The following FHOD3 variants were observed in gnomAD, a reference collection of about 807,000 sequenced individuals.
FHOD3 encodes the protein formin homology 2 domain containing 3.
In FHOD3, 90 loss-of-function variants were observed where a neutral mutation model predicts 173.0. The ratio of observed to expected loss-of-function variants is 0.52; its 90% CI spans 0.44 to 0.62. FHOD3 has a LOEUF of 0.62. Ranked by LOEUF, FHOD3 falls within the 20% of genes least tolerant of loss-of-function variation. The probability of loss-of-function intolerance (pLI) is 0.00; values close to 1 mark genes in which losing one functional copy is unlikely to be tolerated. For missense variants in FHOD3, 1,945 were observed against 2,034.7 expected (o/e 0.96, Z 0.85); for synonymous variants, 828 against 823.0 (o/e 1.01, Z -0.10).
At chr18:36,620,901 AT>A (rs201902412) in intron 9 of FHOD3, among the ~76,000 whole-genome samples, 48 of 151,334 alleles carry the variant, frequency 3.2e-4, no homozygotes, top group Admixed American at 5.3e-4. Context: ...AGCAGAACCA[AT>A]TTTTTTTTTC....
At chr18:36,488,528 A>T (rs540106515) in intron 3 of FHOD3, among the ~76,000 whole-genome samples, 1 of 152,300 alleles carries the variant, frequency 6.6e-6, no homozygotes, top group East Asian at 1.9e-4. Context: ...AGTGCCCAGG[A>T]AAGGACTGGA....
chr18:36,690,389 G>A (rs1223015211), intron 16 of FHOD3, among the ~76,000 whole-genome samples: 4 of 152,132 alleles, frequency 2.6e-5, no homozygotes, highest in Non-Finnish European at 4.4e-5. Context: ...AGGCTCTGTC[G>A]GTCTGTGGAT....
intron 3 of FHOD3, among the ~76,000 whole-genome samples, chr18:36,479,682 CTT>C (rs972035186): frequency 3.3e-5 from 5 of 152,070 alleles, no homozygotes; most frequent in South Asian, 2.1e-4. Context: ...ATTAAGAACT[CTT>C]TGACTATATA....
At chr18:36,299,439 T>A (rs2091898785) in intron 1 of FHOD3, among the ~76,000 whole-genome samples, 1 of 152,218 alleles carries the variant, frequency 6.6e-6, no homozygotes, top group Non-Finnish European at 1.5e-5. Flanking sequence ...TTCTTCTACA[T>A]CATGATTATT....
chr18:36,335,374 A>G (rs1380317180), intron 1 of FHOD3, among the ~76,000 whole-genome samples: 1 of 151,710 alleles, frequency 6.6e-6, no homozygotes, highest in East Asian at 1.9e-4. Flanking sequence ...GGGCGCCTGT[A>G]GTCCCAGCTA....
chr18:36,310,749 C>T (rs900413515), intron 1 of FHOD3, among the ~76,000 whole-genome samples: 2 of 150,204 alleles, frequency 1.3e-5, no homozygotes, highest in Non-Finnish European at 3.0e-5. Flanking sequence ...TCCACGTGGA[C>T]TGCATGGCCT....
intron 8 of FHOD3, among the ~76,000 whole-genome samples, chr18:36,605,158 G>C (rs2031915756): frequency 6.6e-6 from 1 of 152,060 alleles, no homozygotes; most frequent in African/African-American, 2.4e-5. Context: ...ATTTTCTGTT[G>C]GTTTCTAAGG....
chr18:36,471,136 C>T (rs766979151), intron 3 of FHOD3, among the ~76,000 whole-genome samples: 42 of 152,274 alleles, frequency 2.8e-4, no homozygotes, highest in African/African-American at 5.5e-4. Context: ...TTGGAGAGGG[C>T]GTGCATTTGG....
rs201195474 is a variant in FHOD3, at chr18:36,718,484, C to T, written c.3186C>T (p.Asn1062=). ...NLLVPPPPVF[N]APQGLGWSQV... is the part of the protein sequence containing the mutation. ...TGGTTCCTCCTCCTCCAGTGTTCAA[C>T]GCTCCTCAGGGCTTAGGGTGGTCCC... The change falls in exon 19 of 29, where the codon AAC becomes AAT. Residue 1062 remains asparagine, a synonymous_variant. Transcript: ENST00000590592. 194 of 1,605,582 alleles carry T rather than the reference C, an allele frequency of 1.2e-4. 1 individual carries two copies. The East Asian group carries it at 1.5e-3, about 12-fold the overall frequency.
intron 16 of FHOD3, 81 bp downstream of exon 16, chr18:36,687,259 A>G (rs1600241969): frequency 2.9e-6 from 3 of 1,036,696 alleles, no homozygotes; most frequent in South Asian, 2.9e-5. Context: ...GAGACTGTCG[A>G]TTAAAATATA....
chr18:36,602,763 A>G lies in FHOD3; in HGVS notation c.808A>G (p.Asn270Asp). The G allele has an allele frequency of 1.2e-6, 2 of 1,613,690 alleles. No homozygotes were observed. Among genetic ancestry groups the G allele is most frequent in the Non-Finnish European group, 1.7e-6 (2 of 1,179,560 alleles). The part of the protein sequence containing the change: ...ELLVYAMTLV[N>D]KTLSGLPDQD... Reference sequence around the variant, plus strand: ...ACTGGTTTATGCAATGACTTTGGTGAACAAGGTTGGTTGACTATGTTATGG... The same window carrying G: ...ACTGGTTTATGCAATGACTTTGGTGGACAAGGTTGGTTGACTATGTTATGG... The change falls in exon 8 of 29, where the codon AAC becomes GAC. Residue 270 changes from asparagine (N) to aspartate (D), a missense_variant. Around this residue, in one of 5 missense-constraint regions of FHOD3, gnomAD observed 1,099 missense variants for 1,051.2 expected, o/e 1.05. Transcript: ENST00000590592.
intron 3 of FHOD3, among the ~76,000 whole-genome samples, chr18:36,388,657 C>T (rs1379777062): frequency 2.6e-5 from 4 of 152,150 alleles, no homozygotes; most frequent in Non-Finnish European, 4.4e-5. Context: ...CGAGTCCCTT[C>T]CCCTCCCAAG....
intron 24 of FHOD3, among the ~76,000 whole-genome samples, chr18:36,749,013 G>A (rs1316601780): frequency 6.6e-6 from 1 of 151,850 alleles, no homozygotes; most frequent in Admixed American, 6.6e-5. Context: ...GGGCCTTACA[G>A]CTGGTAACCA....
rs895875824 is a variant in FHOD3, at chr18:36,475,726, G to A, written c.338-26206G>A. ...AATCTATAGAGGTGGGATTACAGGA[G>A]ACTTTTACTTCATATATAGAAACAT... is the stretch of plus-strand genomic sequence containing the variant. On this transcript the variant is annotated intron_variant, in intron 3 of 28. Transcript: ENST00000590592. Among the ~76,000 whole-genome samples the A allele has an allele frequency of 5.3e-5, 8 of 151,052 alleles. No homozygotes were observed. In the East Asian group the frequency reaches 1.4e-3, roughly 26 times the overall value.
chr18:36,436,303 A>G (rs532886864), intron 3 of FHOD3, among the ~76,000 whole-genome samples: 6 of 152,188 alleles, frequency 3.9e-5, no homozygotes, highest in Non-Finnish European at 7.4e-5. Flanking sequence ...TATACATTTT[A>G]ATAATCAGAT....
chr18:36,501,885 C>T, intron 3 of FHOD3, 47 bp from the exon 4 acceptor site: 6 of 1,314,666 alleles, frequency 4.6e-6, no homozygotes, highest in Non-Finnish European at 6.4e-6. Flanking sequence ...TTTTCACTGT[C>T]AATAGAGTCA....
chr18:36,732,356 A>G (rs1438491785), intron 20 of FHOD3, among the ~76,000 whole-genome samples: 1 of 152,156 alleles, frequency 6.6e-6, no homozygotes, highest in African/African-American at 2.4e-5. Flanking sequence ...TAGAAAACCT[A>G]TATAAGGCTC....
intron 28 of FHOD3, among the ~76,000 whole-genome samples, chr18:36,773,549 C>T (rs2043490582): frequency 6.6e-6 from 1 of 152,176 alleles, no homozygotes; most frequent in Non-Finnish European, 1.5e-5. Flanking sequence ...TACCGTGTAT[C>T]AGTTATCTTT....
chr18:36,316,049 T>C lies in FHOD3; in HGVS notation c.165+18049T>C, dbSNP rs1598678557. Reference sequence around the variant, plus strand: ...GAGGGGTGGCCCCGGGCCTGAGATTTCTTTGTGTCTCAGGTCTCTGGTATC... The same window carrying C: ...GAGGGGTGGCCCCGGGCCTGAGATTCCTTTGTGTCTCAGGTCTCTGGTATC... On this transcript the variant is annotated intron_variant, in intron 1 of 28. Transcript: ENST00000590592. Among the ~76,000 whole-genome samples, 5 of 151,538 alleles carry C rather than the reference T, an allele frequency of 3.3e-5. No individual in the cohort carries two copies. The South Asian group carries it at 1.1e-3, about 32-fold the overall frequency.
Sources: allele counts gnomAD v4.1 joint callset (sites outside exome capture counted in the v4.1 genomes callset), GRCh38; gene constraint gnomAD v4.1.1; regional missense constraint gnomAD v4.1.1; transcripts MANE v1.5; gene names NCBI Gene and HGNC (gene_info 2026-07-23, HGNC 2026-07-21).